The following CSMD1 variants were observed in gnomAD, a reference collection of about 807,000 sequenced individuals.
CSMD1 encodes CUB and sushi domain-containing protein 1.
A neutral mutation model predicts 417.5 loss-of-function variants in CSMD1; 213 were observed. The observed-to-expected ratio is 0.51, with a 90% confidence interval of 0.46 to 0.57. The LOEUF (loss-of-function observed/expected upper bound fraction) is 0.57, where lower values mean the gene tolerates loss of function less well. CSMD1 is among the 20% of genes least tolerant of loss of function. The probability of loss-of-function intolerance (pLI) is 0.00; values close to 1 mark genes in which losing one functional copy is unlikely to be tolerated. For missense variants in CSMD1, 6,923 were observed against 4,529.7 expected (o/e 1.53, Z -15.17); for synonymous variants, 2,862 against 1,736.8 (o/e 1.65, Z -16.11).
chr8:4,430,285 C>T (rs181463319), intron 2 of CSMD1, among the ~76,000 whole-genome samples: 1 of 152,070 alleles, frequency 6.6e-6, no homozygotes, highest in African/African-American at 2.4e-5. Context: ...TGTTTTGGTG[C>T]TGAAAAAATA....
chr8:3,850,782 T>C (rs1356736720), intron 5 of CSMD1, among the ~76,000 whole-genome samples: 2 of 152,098 alleles, frequency 1.3e-5, no homozygotes, highest in African/African-American at 4.8e-5. Flanking sequence ...TGTGCCTTAG[T>C]AGTGTGTGAA....
At chr8:3,755,078 T>G (rs556147652) in intron 5 of CSMD1, among the ~76,000 whole-genome samples, 4 of 152,370 alleles carry the variant, frequency 2.6e-5, no homozygotes, top group East Asian at 1.9e-4. Context: ...GTTTTATTTC[T>G]CACTATTGAA....
intron 30 of CSMD1, among the ~76,000 whole-genome samples, chr8:3,210,050 C>T (rs1364094904): frequency 6.6e-6 from 1 of 152,180 alleles, no homozygotes; most frequent in Admixed American, 6.5e-5. Flanking sequence ...CCCCACGCAT[C>T]TAAAACAAAC....
chr8:3,873,206 T>C (rs1265406024), intron 5 of CSMD1, among the ~76,000 whole-genome samples: 1 of 152,212 alleles, frequency 6.6e-6, no homozygotes, highest in Non-Finnish European at 1.5e-5. Context: ...TTACTGGCTA[T>C]GTAGCCAAAG....
chr8:4,079,193 T>G (rs1026361252), intron 3 of CSMD1, among the ~76,000 whole-genome samples: 4 of 152,030 alleles, frequency 2.6e-5, no homozygotes, highest in African/African-American at 9.7e-5. Flanking sequence ...AATGTTTTAG[T>G]CTATAGAGAC....
At chr8:3,118,334 A>G in intron 42 of CSMD1, 65 bp downstream of exon 42, 2 of 1,108,586 alleles carry the variant, frequency 1.8e-6, no homozygotes, top group Non-Finnish European at 2.6e-6. Context: ...ATGTTCATTT[A>G]ATATTTAATG....
chr8:3,464,603 G>C (rs1001982297), intron 12 of CSMD1, among the ~76,000 whole-genome samples: 2 of 149,350 alleles, frequency 1.3e-5, no homozygotes, highest in Admixed American at 6.7e-5. Flanking sequence ...TGATTTTTAA[G>C]TATATAAATT....
chr8:4,813,323 G>C (rs1454758415), intron 1 of CSMD1, among the ~76,000 whole-genome samples: 4 of 151,852 alleles, frequency 2.6e-5, no homozygotes, highest in South Asian at 4.1e-4. Flanking sequence ...GCTGTGATGA[G>C]AAATAAAATT....
At chr8:3,366,701 G>A (rs546548399) in intron 20 of CSMD1, among the ~76,000 whole-genome samples, 12 of 152,136 alleles carry the variant, frequency 7.9e-5, no homozygotes, top group African/African-American at 2.9e-4. Flanking sequence ...CCCAATAAAG[G>A]AACTTTCCTC....
intron 26 of CSMD1, among the ~76,000 whole-genome samples, chr8:3,252,096 A>C (rs569372585): frequency 1.3e-5 from 2 of 152,194 alleles, no homozygotes; most frequent in African/African-American, 4.8e-5. Context: ...TTCCAACACT[A>C]TGTTGAATAG....
chr8:4,211,904 A>G (rs1342315217), intron 3 of CSMD1, among the ~76,000 whole-genome samples: 1 of 152,210 alleles, frequency 6.6e-6, no homozygotes, highest in Non-Finnish European at 1.5e-5. Context: ...TTCTTCCAAC[A>G]TCATCAATGT....
At chr8:3,951,202 T>A (rs762983743) in intron 5 of CSMD1, among the ~76,000 whole-genome samples, 2 of 152,148 alleles carry the variant, frequency 1.3e-5, no homozygotes, top group Non-Finnish European at 2.9e-5. Flanking sequence ...AAGACCTGTA[T>A]AGGTAGTTTG....
intron 2 of CSMD1, among the ~76,000 whole-genome samples, chr8:4,498,316 A>G (rs1275144038): frequency 6.6e-6 from 1 of 152,062 alleles, no homozygotes; most frequent in Admixed American, 6.6e-5. Flanking sequence ...ATTTTATTTA[A>G]CTATTTAGAC....
chr8:3,235,387 A>C (rs1799090524), intron 26 of CSMD1, among the ~76,000 whole-genome samples: 1 of 152,208 alleles, frequency 6.6e-6, no homozygotes, highest in Admixed American at 6.5e-5. Context: ...GATTTTATAC[A>C]TGAATAAGAA....
At chr8:3,551,590 ATATATATTTT>A (rs1419548664) in intron 10 of CSMD1, among the ~76,000 whole-genome samples, 10 of 105,098 alleles carry the variant, frequency 9.5e-5, no homozygotes, top group African/African-American at 4.3e-4. Flanking sequence ...ATATATATAT[ATATATATTTT>A]TTTTTTTTTT....
chr8:3,860,884 A>C (rs1167451724), intron 5 of CSMD1, among the ~76,000 whole-genome samples: 1 of 152,236 alleles, frequency 6.6e-6, no homozygotes, highest in Non-Finnish European at 1.5e-5. Context: ...CTTTAAGTTC[A>C]GGTTAGCACT....
intron 6 of CSMD1, among the ~76,000 whole-genome samples, chr8:3,734,734 C>A (rs1431573939): frequency 6.6e-6 from 1 of 152,134 alleles, no homozygotes; most frequent in Non-Finnish European, 1.5e-5. Context: ...AAATGAAATA[C>A]AGAAACTCTC....
At chr8:3,445,563 G>A (rs866284777) in intron 12 of CSMD1, among the ~76,000 whole-genome samples, 5 of 152,232 alleles carry the variant, frequency 3.3e-5, no homozygotes, top group Middle Eastern at 3.4e-3. Context: ...GACTTCTTAT[G>A]AAAGTGCGGA....
chr8:4,352,707 A>G (rs191167683), intron 3 of CSMD1, among the ~76,000 whole-genome samples: 1 of 152,344 alleles, frequency 6.6e-6, no homozygotes, highest in Non-Finnish European at 1.5e-5. Context: ...TACTTTCAAG[A>G]ACACAAATAA....
Sources: gnomAD v4.1 joint callset for allele counts (sites outside exome capture counted in the v4.1 genomes callset) on GRCh38, gnomAD v4.1.1 for gene constraint, MANE v1.5 for transcripts, NCBI Gene and HGNC (gene_info 2026-07-23, HGNC 2026-07-21) for gene names.